The following PPP2R3A variants were observed in gnomAD, a reference collection of about 807,000 sequenced individuals.
PPP2R3A encodes the protein protein phosphatase 2 regulatory subunit B''alpha, also known as serine/threonine-protein phosphatase 2A regulatory subunit B'' subunit alpha.
PPP2R3A carries 80 observed loss-of-function variants against 106.9 expected under a neutral mutation model. The ratio of observed to expected loss-of-function variants is 0.75; its 90% CI spans 0.62 to 0.90. PPP2R3A has a LOEUF of 0.90. PPP2R3A is among the 40% of genes least tolerant of loss of function. The probability of loss-of-function intolerance (pLI) is 0.00; values close to 1 mark genes in which losing one functional copy is unlikely to be tolerated. For missense variants in PPP2R3A, 1,386 were observed against 1,350.4 expected, an observed-to-expected ratio of 1.03 and a Z score of -0.41; for synonymous variants, 483 against 468.3, an observed-to-expected ratio of 1.03 and a Z score of -0.41.
chr3:136,075,716 G>A (rs998671802), intron 6 of PPP2R3A, among the ~76,000 whole-genome samples: 2 of 151,982 alleles, frequency 1.3e-5, no homozygotes, highest in African/African-American at 4.8e-5. Context: ...AAGTATTTGA[G>A]TATATAAATA....
chr3:136,055,707 G>C, intron 5 of PPP2R3A: 1 of 786,558 alleles, frequency 1.3e-6, no homozygotes, highest in Admixed American at 2.2e-5. Context: ...AGACTCTGGA[G>C]CAACTTAGAG....
At chr3:136,084,684 C>T (rs557497719) in intron 8 of PPP2R3A, among the ~76,000 whole-genome samples, 1 of 152,354 alleles carries the variant, frequency 6.6e-6, no homozygotes, top group South Asian at 2.1e-4. Flanking sequence ...GGGAGCTGTA[C>T]CCTACAAAGG....
chr3:136,138,766 C>T (rs946220454), intron 13 of PPP2R3A, among the ~76,000 whole-genome samples: 8 of 113,836 alleles, frequency 7.0e-5, no homozygotes, highest in African/African-American at 2.8e-4. Context: ...GGCTGGAGTG[C>T]AGTGGCACAA....
Position 136,003,633 on chromosome 3 carries a change from C to G in PPP2R3A, c.1995+140C>G, listed in dbSNP as rs1199073252. 8.9e-6 allele frequency: 6 copies of G among 676,020 alleles called. No individual in the cohort carries two copies. In the African/African-American group the frequency reaches 1.1e-4, roughly 13 times the overall value. The allele number at this position is 676,020 out of a possible 1,614,324, so 41.9% of individuals were successfully genotyped here. A position where few individuals can be genotyped will look rare whatever the true frequency, so the allele number is the denominator to read the frequency against. Reference sequence around the variant, plus strand: ...CTACACTAGGAATGATCTCACTCAGCTCAGAGTCAGTAAAAAGCAAAGATT... The same window carrying G: ...CTACACTAGGAATGATCTCACTCAGGTCAGAGTCAGTAAAAAGCAAAGATT... On this transcript the variant is annotated intron_variant, in intron 2 of 13. Transcript: ENST00000264977.
intron 1 of PPP2R3A, among the ~76,000 whole-genome samples, chr3:135,984,275 CT>C (rs1418755736): frequency 6.6e-6 from 1 of 152,140 alleles, no homozygotes; most frequent in Non-Finnish European, 1.5e-5. Flanking sequence ...GACAAAAGAG[CT>C]TTGATCTTAC....
At chr3:136,078,115 G>A (rs1398518616) in intron 6 of PPP2R3A, among the ~76,000 whole-genome samples, 1 of 152,220 alleles carries the variant, frequency 6.6e-6, no homozygotes, top group Non-Finnish European at 1.5e-5. Context: ...AAGAAGTGAT[G>A]TGAAGGCAGT....
chr3:136,139,993 G>A (rs185461427), intron 13 of PPP2R3A, among the ~76,000 whole-genome samples: 26 of 141,854 alleles, frequency 1.8e-4, no homozygotes, highest in South Asian at 6.9e-4. Flanking sequence ...GCAACAGAGC[G>A]AGACTCTGTC....
At chr3:136,122,029 C>T (rs1347692870) in intron 13 of PPP2R3A, among the ~76,000 whole-genome samples, 1 of 151,944 alleles carries the variant, frequency 6.6e-6, no homozygotes, top group Non-Finnish European at 1.5e-5. Context: ...CAAAAAAATA[C>T]AAATTACGAT....
intron 2 of PPP2R3A, among the ~76,000 whole-genome samples, chr3:136,022,211 A>G (rs1934489126): frequency 6.6e-6 from 1 of 152,106 alleles, no homozygotes; most frequent in Non-Finnish European, 1.5e-5. Context: ...TTTTAGCCAA[A>G]TTTCACTTGC....
intron 13 of PPP2R3A, among the ~76,000 whole-genome samples, chr3:136,140,037 A>T (rs1297352822): frequency 6.6e-6 from 1 of 151,874 alleles, no homozygotes; most frequent in East Asian, 1.9e-4. Flanking sequence ...TATGTTCTCA[A>T]TTTGATACCT....
At chr3:135,972,635 C>G (rs1559845553) in intron 1 of PPP2R3A, among the ~76,000 whole-genome samples, 1 of 152,138 alleles carries the variant, frequency 6.6e-6, no homozygotes, top group Non-Finnish European at 1.5e-5. Flanking sequence ...CTTTTGTTTT[C>G]TGGTTATAGC....
At chr3:136,083,560 A>G (rs1936847063) in intron 8 of PPP2R3A, among the ~76,000 whole-genome samples, 2 of 152,228 alleles carry the variant, frequency 1.3e-5, no homozygotes, top group Admixed American at 6.5e-5. Flanking sequence ...GCATGAGAAC[A>G]GACTAATATA....
intron 8 of PPP2R3A, among the ~76,000 whole-genome samples, chr3:136,083,460 T>C (rs1411942828): frequency 6.6e-6 from 1 of 152,192 alleles, no homozygotes; most frequent in African/African-American, 2.4e-5. Flanking sequence ...TCCGCCATGA[T>C]TGTGAGGCCT....
At chr3:136,091,119 A>G (rs1305300609) in intron 10 of PPP2R3A, among the ~76,000 whole-genome samples, 1 of 152,134 alleles carries the variant, frequency 6.6e-6, no homozygotes, top group Non-Finnish European at 1.5e-5. Context: ...GCTTGATTGG[A>G]GTTATTAATT....
chr3:136,023,203 T>C, intron 2 of PPP2R3A: 2 of 1,546,750 alleles, frequency 1.3e-6, no homozygotes, highest in East Asian at 4.5e-5. Flanking sequence ...CAGACACAGG[T>C]TTGAAATTTG....
Position 136,127,989 on chromosome 3 carries a change from G to A in PPP2R3A, c.3330-17054G>A, listed in dbSNP as rs13082532. The stretch of plus-strand genomic sequence containing the variant: ...GAGAGATTTTGTCACCACCAGGCCT[G>A]CCTTATAAGAGCTCCTGAAGGAAGC... On this transcript the variant is annotated intron_variant, in intron 13 of 13. Coordinates refer to ENST00000264977, the MANE Select transcript of PPP2R3A (RefSeq NM_002718.5). 7.3e-4 allele frequency among the ~76,000 whole-genome samples: 111 copies of A among 152,180 alleles called. 1 individual carries two copies. The highest frequency in any genetic ancestry group is 1.3e-3 in the Non-Finnish European group (87 of 67,984).
At chr3:136,109,472 A>C (rs1315111821) in intron 13 of PPP2R3A, among the ~76,000 whole-genome samples, 2 of 152,188 alleles carry the variant, frequency 1.3e-5, no homozygotes, top group Non-Finnish European at 2.9e-5. Flanking sequence ...CCCCAAAAAA[A>C]CTGTCTTGAT....
At chr3:136,073,141 G>A (rs1313659072) in intron 6 of PPP2R3A, among the ~76,000 whole-genome samples, 1 of 152,050 alleles carries the variant, frequency 6.6e-6, no homozygotes, top group Non-Finnish European at 1.5e-5. Flanking sequence ...CTAATTTTTT[G>A]TATTTTTAGT....
chr3:136,088,261 C>T (rs1020969530), intron 9 of PPP2R3A, among the ~76,000 whole-genome samples: 2 of 152,172 alleles, frequency 1.3e-5, no homozygotes, highest in Admixed American at 6.5e-5. Flanking sequence ...TCCCTACCCA[C>T]TTCAGCAGTC....
Sources: allele counts gnomAD v4.1 joint callset (sites outside exome capture counted in the v4.1 genomes callset), GRCh38; gene constraint gnomAD v4.1.1; transcripts MANE v1.5; gene names NCBI Gene and HGNC (gene_info 2026-07-23, HGNC 2026-07-21).